The following AGBL3 variants were observed in gnomAD, a reference collection of about 807,000 sequenced individuals.
AGBL3 encodes the protein AGBL carboxypeptidase 3.
A neutral mutation model predicts 94.5 loss-of-function variants in AGBL3; 68 were observed. That is an observed-to-expected ratio of 0.72 (90% confidence interval 0.59 to 0.88). The LOEUF is 0.88. AGBL3 is among the 40% of genes least tolerant of loss of function. AGBL3 has a pLI of 0.00. For missense variants in AGBL3, 934 were observed against 1,103.8 expected (o/e 0.85, Z 2.18); for synonymous variants, 354 against 370.7 (o/e 0.95, Z 0.52).
chr7:135,081,775 C>T lies in AGBL3; in HGVS notation c.2095C>T (p.Pro699Ser), dbSNP rs1208347900. The change falls in exon 15 of 17, where the codon CCT becomes TCT. Residue 699 changes from proline (P) to serine (S), a missense_variant. This residue lies in a region of AGBL3 where 441 missense variants were observed against 518.2 expected (regional missense o/e 0.85). Coordinates refer to ENST00000436302, the MANE Select transcript of AGBL3 (RefSeq NM_178563.4). ...YMVDYFRRQL[P>S]NQGLDLHHNL... is the part of the protein sequence containing the mutation. ...GGTTGATTATTTCAGAAGACAATTA[C>T]CTAATCAAGGTTTGGGTGAGTAAAA... The T allele has an allele frequency of 8.5e-6, 13 of 1,535,854 alleles. No homozygotes were observed. The highest frequency in any genetic ancestry group is 2.0e-5 in the Admixed American group (1 of 50,792).
intron 16 of AGBL3, among the ~76,000 whole-genome samples, chr7:135,129,874 T>A (rs6467575): frequency 0.49 from 73,769 of 152,014 alleles, 18,263 homozygotes; most frequent in South Asian, 0.66. Flanking sequence ...ATACATTTTT[T>A]AATGCAAGTT....
intron 15 of AGBL3, among the ~76,000 whole-genome samples, chr7:135,104,701 A>T (rs1041227833): frequency 2.2e-4 from 33 of 151,242 alleles, no homozygotes; most frequent in Admixed American, 2.0e-3. Flanking sequence ...TTTATTTCAT[A>T]TGCCTTTTGG....
At chr7:135,065,573 T>C (rs1819212201) in intron 12 of AGBL3, among the ~76,000 whole-genome samples, 1 of 152,090 alleles carries the variant, frequency 6.6e-6, no homozygotes, top group African/African-American at 2.4e-5. Flanking sequence ...GAATACACAA[T>C]GAAGAAAAGA....
At chr7:135,133,910 A>T (rs969526516) in intron 16 of AGBL3, among the ~76,000 whole-genome samples, 2 of 152,138 alleles carry the variant, frequency 1.3e-5, no homozygotes, top group African/African-American at 4.8e-5. Context: ...TGAACTGCTG[A>T]TGCACAAAAC....
At chr7:135,028,756 G>T (rs1448774047) in intron 5 of AGBL3, among the ~76,000 whole-genome samples, 1 of 152,100 alleles carries the variant, frequency 6.6e-6, no homozygotes, top group African/African-American at 2.4e-5. Context: ...AATTTACTTT[G>T]CCCAGATCCA....
chr7:135,071,678 A>G (rs1819923670), intron 12 of AGBL3, among the ~76,000 whole-genome samples: 1 of 152,262 alleles, frequency 6.6e-6, no homozygotes, highest in Admixed American at 6.5e-5. Context: ...TCCCTATTTA[A>G]TAAATGGTGC....
chr7:135,053,824 C>T (rs531966315), intron 11 of AGBL3, among the ~76,000 whole-genome samples: 1 of 152,160 alleles, frequency 6.6e-6, no homozygotes, highest in East Asian at 1.9e-4. Flanking sequence ...AGGAAATGGA[C>T]ATTTAAAATA....
At chr7:135,021,911 T>C (rs1482939771) in intron 5 of AGBL3, among the ~76,000 whole-genome samples, 1 of 152,134 alleles carries the variant, frequency 6.6e-6, no homozygotes, top group African/African-American at 2.4e-5. Flanking sequence ...AGTGAAAACA[T>C]GTGGCGTTTG....
In AGBL3 at chr7:135,017,266, T is replaced by C. The variant is rs1027083829; in HGVS notation, c.418+107T>C. ...TGTAGTGGAAATTTCAGATGACCAG[T>C]CCCTAAACATAAAGATGTTTGTTTA... On this transcript the variant is annotated intron_variant, in intron 5 of 16. Transcript: ENST00000436302. 5.1e-6 allele frequency: 4 copies of C among 778,296 alleles called. No homozygotes were observed. In the Admixed American group the frequency reaches 6.7e-5, roughly 13 times the overall value. 48.2% of individuals were successfully genotyped at this position (778,296 alleles called of 1,614,324 possible).
intron 15 of AGBL3, chr7:135,092,267 C>T (rs1821964330): frequency 6.6e-6 from 1 of 152,114 alleles, no homozygotes; most frequent in Non-Finnish European, 1.5e-5. Flanking sequence ...CTTTGTCATC[C>T]ATAAATATTA....
chr7:135,008,967 A>G (rs1284860890), intron 4 of AGBL3, among the ~76,000 whole-genome samples: 2 of 152,234 alleles, frequency 1.3e-5, no homozygotes, highest in Admixed American at 1.3e-4. Flanking sequence ...ACTAGAATCA[A>G]AAAGTCAGAT....
At chr7:135,078,384 T>A (rs562269027) in intron 13 of AGBL3, among the ~76,000 whole-genome samples, 18 of 152,332 alleles carry the variant, frequency 1.2e-4, no homozygotes, top group African/African-American at 4.3e-4. Flanking sequence ...ATTACATTAT[T>A]TCAGGAATGT....
At position 135,010,476 on chromosome 7, in the gene AGBL3, T is replaced by G. The variant is rs571143678; in HGVS notation, c.311-6576T>G. 8.2e-5 allele frequency: 13 copies of G among 157,584 alleles called. 1 individual carries two copies. In the South Asian group the frequency reaches 2.2e-3, roughly 26 times the overall value. 9.8% of individuals were successfully genotyped at this position (157,584 alleles called of 1,614,324 possible). A position where few individuals can be genotyped will look rare whatever the true frequency, so the allele number is the denominator to read the frequency against. ...TTCAATGCAATGTGTGATTCTAAAG[T>G]GGATCCTTTTGCTATAGAGGACATT... On this transcript the variant is annotated intron_variant, in intron 4 of 16. Coordinates refer to ENST00000436302, the MANE Select transcript of AGBL3 (RefSeq NM_178563.4).
At chr7:135,115,757 C>A in intron 16 of AGBL3, 146 bp downstream of exon 16, 1 of 628,128 alleles carries the variant, frequency 1.6e-6, no homozygotes, top group Non-Finnish European at 2.7e-6. Flanking sequence ...AACAAAGACC[C>A]AAAGCTGTCA....
chr7:135,060,388 T>A lies in AGBL3; in HGVS notation c.1908+1153T>A, dbSNP rs189672346. Among the ~76,000 whole-genome samples the A allele has an allele frequency of 2.6e-5, 4 of 152,322 alleles. No individual in the cohort carries two copies. The East Asian group carries it at 7.7e-4, about 29-fold the overall frequency. On this transcript the variant is annotated intron_variant, in intron 12 of 16. Transcript: ENST00000436302. ...TATATTCATTACCTCACATACTTAT[T>A]TTTGTGGTGAGAACACTGAAAACAC...
intron 15 of AGBL3, chr7:135,092,355 T>C (rs1379149711): frequency 6.6e-6 from 1 of 152,248 alleles, no homozygotes; most frequent in African/African-American, 2.4e-5. Flanking sequence ...AAAATTTTGT[T>C]GTCAACATTT....
intron 12 of AGBL3, among the ~76,000 whole-genome samples, chr7:135,066,753 A>G (rs754595815): frequency 6.6e-6 from 1 of 152,018 alleles, no homozygotes; most frequent in Non-Finnish European, 1.5e-5. Context: ...ATGAGGGGGG[A>G]TTTTAGAGCC....
In AGBL3 at chr7:135,135,320, A is replaced by C. The variant is rs1829297074; in HGVS notation, c.*59A>C. ...AAGGATAACATATGCTTATGTAGTA[A>C]AAAGAAAAAAAGGAAAGCCCTCCCC... On this transcript the variant is annotated 3_prime_UTR_variant, in exon 17 of 17. Coordinates refer to ENST00000436302, the MANE Select transcript of AGBL3 (RefSeq NM_178563.4). 12 of 1,352,012 alleles carry C rather than the reference A, an allele frequency of 8.9e-6. No homozygotes were observed. The highest frequency in any genetic ancestry group is 1.2e-5 in the Non-Finnish European group (12 of 1,030,136). The allele number at this position is 1,352,012 out of a possible 1,614,324, so 83.8% of individuals were successfully genotyped here.
intron 12 of AGBL3, among the ~76,000 whole-genome samples, chr7:135,074,536 T>A (rs1203444014): frequency 6.6e-6 from 1 of 152,124 alleles, no homozygotes; most frequent in Admixed American, 6.6e-5. Context: ...GTGTTTTACC[T>A]CCTCCCATAT....
Sources: allele counts gnomAD v4.1 joint callset (sites outside exome capture counted in the v4.1 genomes callset), GRCh38; gene constraint gnomAD v4.1.1; regional missense constraint gnomAD v4.1.1; transcripts MANE v1.5; gene names NCBI Gene and HGNC (gene_info 2026-07-23, HGNC 2026-07-21).